The following CELSR1 variants were observed in gnomAD, a reference collection of about 807,000 sequenced individuals.
The protein encoded by CELSR1 is cadherin EGF LAG seven-pass G-type receptor 1.
Under a neutral mutation model 249.1 loss-of-function variants are expected in CELSR1, and 110 were observed. The ratio of observed to expected loss-of-function variants is 0.44; its 90% CI spans 0.38 to 0.52. CELSR1 has a LOEUF of 0.52. Among genes scored for constraint, CELSR1 ranks in the 20% least tolerant of loss-of-function variants. The pLI, the probability that CELSR1 is intolerant of heterozygous loss-of-function variation, is 0.00. For synonymous variants in CELSR1, 2,113 were observed against 1,900.0 expected (o/e 1.11, Z -2.92); for missense variants, 4,109 against 4,296.4 (o/e 0.96, Z 1.22).
At position 46,526,163 on chromosome 22, in the gene CELSR1, G is replaced by A. The variant is rs4823559; in HGVS notation, c.3544+7464C>T. ...CCATTCTCCCAGGCCCCTTTTTCCC[G>A]TCCGCCTCCTGCTCCTCCATTCCCT... On this transcript the variant is annotated intron_variant, in intron 1 of 34. Coordinates refer to ENST00000674500, the MANE Select transcript of CELSR1 (RefSeq NM_001378328.1). The surrounding 1 kb of genome is among the most constrained non-coding windows in gnomAD (Gnocchi z 4.7). Among the ~76,000 whole-genome samples the A allele has an allele frequency of 0.55, 84,242 of 151,956 alleles. 24,602 individuals carry two copies. Among genetic ancestry groups the A allele is most frequent in the East Asian group, 0.9 (4,657 of 5,168 alleles).
At chr22:46,485,501 G>A (rs547922901) in intron 1 of CELSR1, among the ~76,000 whole-genome samples, 16 of 152,350 alleles carry the variant, frequency 1.1e-4, no homozygotes, top group Admixed American at 2.0e-4. Flanking sequence ...GGCTGCATGC[G>A]GGGCCGCCAG....
rs1192701550 is a variant in CELSR1 at position 46,429,113 on chromosome 22, C to G, written c.4611+4280G>C. Among the ~76,000 whole-genome samples the G allele has an allele frequency of 2.0e-5, 3 of 152,138 alleles. No individual in the cohort carries two copies. Among genetic ancestry groups the G allele is most frequent in the Non-Finnish European group, 4.4e-5 (3 of 68,016 alleles). ...GGGAATGACCCGCTCAGTGCAGCCC[C>G]GAGGATCCCCATCCTTCCAGACGGC... is the stretch of plus-strand genomic sequence containing the variant. On this transcript the variant is annotated intron_variant, in intron 5 of 34. Transcript: ENST00000674500. The surrounding 1 kb of genome is among the most constrained non-coding windows in gnomAD (Gnocchi z 4.1).
chr22:46,467,539 G>A (rs753021157), intron 1 of CELSR1, among the ~76,000 whole-genome samples: 1 of 151,980 alleles, frequency 6.6e-6, no homozygotes, highest in Non-Finnish European at 1.5e-5. Context: ...AACTCTGGAA[G>A]GAGCCGGGCG....
chr22:46,450,315 G>T (rs2079868964), intron 2 of CELSR1, among the ~76,000 whole-genome samples: 1 of 152,256 alleles, frequency 6.6e-6, no homozygotes, highest in African/African-American at 2.4e-5. Flanking sequence ...GCCCTGCAAG[G>T]CAGGCTGACA....
chr22:46,410,407 TGCCATTGTTGGCGATGAATCCG>T lies in CELSR1; in HGVS notation c.4902_4923del (p.Gly1635ProfsTer64). The T allele has an allele frequency of 6.2e-7, 1 of 1,613,592 alleles. No individual in the cohort carries two copies. The highest frequency in any genetic ancestry group is 8.5e-7 in the Non-Finnish European group (1 of 1,179,730). ...TGACGGCCACCCGTACCTTCCCGGG[TGCCATTGTTGGCGATGAATCCG>T]GCCATGTCCACATTTTTGCCGTCGA... On this transcript the variant is annotated frameshift_variant, in exon 7 of 35. Transcript: ENST00000674500. LOFTEE classifies it high-confidence loss of function. This position sits in a 1 kb window ranked among gnomAD's most constrained non-coding sequence, Gnocchi z 6.8.
At position 46,380,679 on chromosome 22, in the gene CELSR1, G is replaced by A. The variant is rs931752169; in HGVS notation, c.7256+109C>T. 1.5e-5 allele frequency: 19 copies of A among 1,300,372 alleles called. No individual in the cohort carries two copies. In the African/African-American group the frequency reaches 2.4e-4, roughly 16 times the overall value. The allele number at this position is 1,300,372 out of a possible 1,614,324, so 80.6% of individuals were successfully genotyped here. Reference sequence around the variant, plus strand: ...ACGGGGGACTTAAAGGGGAAACACAGACCACAAGAGACCGTCCTCTTGGGG... The same window carrying A: ...ACGGGGGACTTAAAGGGGAAACACAAACCACAAGAGACCGTCCTCTTGGGG... On this transcript the variant is annotated intron_variant, in intron 22 of 34. Coordinates refer to ENST00000674500, the MANE Select transcript of CELSR1 (RefSeq NM_001378328.1). The surrounding 1 kb of genome is among the most constrained non-coding windows in gnomAD (Gnocchi z 5.1).
chr22:46,531,426 G>T (rs2080791200), intron 1 of CELSR1, among the ~76,000 whole-genome samples: 1 of 152,100 alleles, frequency 6.6e-6, no homozygotes, highest in South Asian at 2.1e-4. Flanking sequence ...GGTTGGTCTT[G>T]AACTCCTGAC....
In CELSR1 at chr22:46,434,432, T is replaced by C. The variant is rs1264517441; in HGVS notation, c.4523-951A>G. 2.6e-5 allele frequency among the ~76,000 whole-genome samples: 4 copies of C among 151,974 alleles called. No homozygotes were observed. Among genetic ancestry groups the C allele is most frequent in the East Asian group, 1.9e-4 (1 of 5,172 alleles). ...ACCGTCTCCAGGGAACCAGCAGGAG[T>C]TCTGGAAACGGGTGTGGGAGACACT... On this transcript the variant is annotated intron_variant, in intron 4 of 34. Coordinates refer to ENST00000674500, the MANE Select transcript of CELSR1 (RefSeq NM_001378328.1). This position sits in a 1 kb window ranked among gnomAD's most constrained non-coding sequence, Gnocchi z 4.9.
At position 46,448,692 on chromosome 22, in the gene CELSR1, A is replaced by T. The variant is rs2079848309; in HGVS notation, c.4184-9281T>A. On this transcript the variant is annotated intron_variant, in intron 2 of 34. Transcript: ENST00000674500. The surrounding 1 kb of genome is among the most constrained non-coding windows in gnomAD (Gnocchi z 5.7). ...AAATGAAACACAAGAACAGAGAACA[A>T]GGAGTGAGTGGAAGGGCCCGGGAAC... 3.1e-6 allele frequency: 1 copy of T among 327,368 alleles called. No individual in the cohort carries two copies. Among genetic ancestry groups the T allele is most frequent in the African/African-American group, 2.2e-5 (1 of 45,738 alleles). The allele number at this position is 327,368 out of a possible 1,614,324, so 20.3% of individuals were successfully genotyped here. A position where few individuals can be genotyped will look rare whatever the true frequency, so the allele number is the denominator to read the frequency against.
At chr22:46,384,488 C>T (rs80243022) in intron 20 of CELSR1, 55 bp downstream of exon 20, 117,937 of 1,526,014 alleles carry the variant, frequency 0.077, 5,149 homozygotes, top group Non-Finnish European at 0.087. Flanking sequence ...GGGGCCCTCC[C>T]CTCCCTGAAC....
chr22:46,482,677 G>A (rs2147669622), intron 1 of CELSR1, among the ~76,000 whole-genome samples: 1 of 152,056 alleles, frequency 6.6e-6, no homozygotes, highest in Admixed American at 6.5e-5. Context: ...CTTGTGCACT[G>A]TACTCCAGCC....
chr22:46,529,706 G>A (rs1404305395), intron 1 of CELSR1, among the ~76,000 whole-genome samples: 2 of 151,964 alleles, frequency 1.3e-5, no homozygotes, highest in Non-Finnish European at 2.9e-5. Context: ...AGGAGGCTGA[G>A]GTAGGATAAT....
At chr22:46,519,491 G>A (rs1184116874) in intron 1 of CELSR1, among the ~76,000 whole-genome samples, 6 of 152,248 alleles carry the variant, frequency 3.9e-5, no homozygotes, top group Non-Finnish European at 1.5e-5. Flanking sequence ...CCCCGGGTTG[G>A]CCCGGGGAGC....
chr22:46,425,569 G>A (rs971455595), intron 5 of CELSR1, among the ~76,000 whole-genome samples: 1 of 152,136 alleles, frequency 6.6e-6, no homozygotes, highest in African/African-American at 2.4e-5. Flanking sequence ...TACACATGTA[G>A]AGTTCTTTTT....
Position 46,409,742 on chromosome 22 carries a change from G to A in CELSR1, c.5059+13C>T, listed in dbSNP as rs377371790. 137 of 1,611,590 alleles carry A rather than the reference G, an allele frequency of 8.5e-5. No individual in the cohort carries two copies. The highest frequency in any genetic ancestry group is 1.6e-4 in the Middle Eastern group (1 of 6,082). On this transcript the variant is annotated intron_variant, in intron 8 of 34. Transcript: ENST00000674500. The surrounding 1 kb of genome is among the most constrained non-coding windows in gnomAD (Gnocchi z 9.8). ...CGCCGTGACCGGGGGGATGGACGAC[G>A]CCGGCCACTCACCTTGCTCACAGTT...
At chr22:46,389,648 G>GC (rs1569127049) in intron 17 of CELSR1, 149 bp from the exon 18 acceptor site, 2 of 869,046 alleles carry the variant, frequency 2.3e-6, no homozygotes, top group Non-Finnish European at 3.6e-6. Context: ...GGGCATGGTG[G>GC]CTCACGCCTG....
At chr22:46,520,020 C>T (rs1406926276) in intron 1 of CELSR1, among the ~76,000 whole-genome samples, 5 of 152,112 alleles carry the variant, frequency 3.3e-5, no homozygotes, top group South Asian at 2.1e-4. Context: ...TACAGGCACC[C>T]GCTACCACAT....
chr22:46,462,134 C>T (rs533013858), intron 2 of CELSR1, among the ~76,000 whole-genome samples: 7 of 152,344 alleles, frequency 4.6e-5, no homozygotes, highest in Non-Finnish European at 1.0e-4. Context: ...TGCCCACAGC[C>T]GAGCCCCGGT....
intron 1 of CELSR1, among the ~76,000 whole-genome samples, chr22:46,469,887 G>C (rs1441315130): frequency 1.5e-5 from 2 of 131,836 alleles, no homozygotes; most frequent in African/African-American, 5.9e-5. Flanking sequence ...GAACCTGTAG[G>C]TCTTGTTCCT....
Sources: gnomAD v4.1 joint callset for allele counts (sites outside exome capture counted in the v4.1 genomes callset) on GRCh38, gnomAD v4.1.1 for gene constraint, Gnocchi (gnomAD v3.1) non-coding constraint, MANE v1.5 for transcripts, NCBI Gene and HGNC (gene_info 2026-07-23, HGNC 2026-07-21) for gene names.